PTPRO: variants seen among roughly 807,000 people sequenced by gnomAD.
The protein encoded by PTPRO is protein tyrosine phosphatase receptor type O, also known as receptor-type tyrosine-protein phosphatase O.
In PTPRO, 62 loss-of-function variants were observed where a neutral mutation model predicts 145.2. The ratio of observed to expected loss-of-function variants is 0.43; its 90% CI spans 0.35 to 0.53. The LOEUF is 0.53. Ranked by LOEUF, PTPRO falls within the 20% of genes least tolerant of loss-of-function variation. The pLI is 0.01. For synonymous variants in PTPRO, 565 were observed against 514.7 expected (o/e 1.10, Z -1.32); for missense variants, 1,345 against 1,482.7 (o/e 0.91, Z 1.53).
intron 1 of PTPRO, among the ~76,000 whole-genome samples, chr12:15,402,594 C>A (rs1408210207): frequency 6.6e-6 from 1 of 152,124 alleles, no homozygotes; most frequent in African/African-American, 2.4e-5. Context: ...CCTAAGAATT[C>A]TCTATGTAAA....
At chr12:15,458,400 T>C (rs905068896) in intron 1 of PTPRO, among the ~76,000 whole-genome samples, 2 of 152,138 alleles carry the variant, frequency 1.3e-5, no homozygotes, top group African/African-American at 4.8e-5. Context: ...TTGGGTAATT[T>C]CCAACCATTA....
chr12:15,406,238 A>G (rs182667288), intron 1 of PTPRO, among the ~76,000 whole-genome samples: 66 of 152,228 alleles, frequency 4.3e-4, no homozygotes, highest in African/African-American at 1.6e-3. Flanking sequence ...TCTGCTGGCC[A>G]CTTCTGTGTA....
chr12:15,485,905 A>C (rs980147270), intron 2 of PTPRO, among the ~76,000 whole-genome samples: 1 of 152,164 alleles, frequency 6.6e-6, no homozygotes, highest in African/African-American at 2.4e-5. Context: ...TGATTCCTTG[A>C]GGAAGTGTTG....
rs111613290 is a variant in PTPRO, at chr12:15,581,884, C to T, written c.3255+83C>T. 7.7e-3 allele frequency: 12,050 copies of T among 1,563,412 alleles called. 714 individuals are homozygous for T. In the African/African-American group the frequency reaches 0.14, roughly 18 times the overall value. ...TTTGGTCGGGGAGACCCTAACCCAGCGGCGCTAGAGGAATTACAGACACAC... is the reference window on the plus strand; with the variant it reads ...TTTGGTCGGGGAGACCCTAACCCAGTGGCGCTAGAGGAATTACAGACACAC... On this transcript the variant is annotated intron_variant, in intron 23 of 26. Transcript: ENST00000281171.
chr12:15,477,700 G>A (rs1287452129), intron 1 of PTPRO, among the ~76,000 whole-genome samples: 6 of 152,050 alleles, frequency 3.9e-5, no homozygotes, highest in Non-Finnish European at 8.8e-5. Context: ...GCACCCTTGG[G>A]CAAAGCAGCC....
chr12:15,564,129 A>G (rs1433483334), intron 17 of PTPRO, among the ~76,000 whole-genome samples: 3 of 152,194 alleles, frequency 2.0e-5, no homozygotes, highest in Non-Finnish European at 4.4e-5. Context: ...CTAAATCTCA[A>G]GTGTGGAAGA....
rs950151670 is a variant in PTPRO, at chr12:15,421,725, C to T, written c.76-62249C>T. Among the ~76,000 whole-genome samples the T allele has an allele frequency of 8.5e-5, 13 of 152,120 alleles. No homozygotes were observed. In the East Asian group the frequency reaches 2.5e-3, roughly 29 times the overall value. The stretch of plus-strand genomic sequence containing the variant: ...TCCAATAATTTATGATATCATTTAC[C>T]ATTATTAAAGGAACCTTATTTTTAA... On this transcript the variant is annotated intron_variant, in intron 1 of 26. Coordinates refer to ENST00000281171, the MANE Select transcript of PTPRO (RefSeq NM_030667.3).
intron 1 of PTPRO, among the ~76,000 whole-genome samples, chr12:15,391,850 A>T (rs1053011734): frequency 1.3e-5 from 2 of 152,206 alleles, no homozygotes; most frequent in African/African-American, 4.8e-5. Flanking sequence ...ACTGGGAATG[A>T]TAGTGAGATG....
intron 1 of PTPRO, among the ~76,000 whole-genome samples, chr12:15,349,205 T>C (rs928268181): frequency 6.6e-6 from 1 of 152,174 alleles, no homozygotes; most frequent in Non-Finnish European, 1.5e-5. Context: ...AGGGAAAATT[T>C]CAGAGAACAA....
intron 2 of PTPRO, among the ~76,000 whole-genome samples, chr12:15,485,298 A>C (rs1265626006): frequency 6.6e-6 from 1 of 152,168 alleles, no homozygotes; most frequent in Non-Finnish European, 1.5e-5. Flanking sequence ...AGACCTTCAA[A>C]GTTTATAGAC....
At chr12:15,592,611 C>T (rs1348326704) in intron 25 of PTPRO, among the ~76,000 whole-genome samples, 3 of 152,142 alleles carry the variant, frequency 2.0e-5, no homozygotes, top group Admixed American at 6.5e-5. Flanking sequence ...CAAGTAGAGG[C>T]GTATTTAGAA....
chr12:15,435,030 G>T (rs1037410967), intron 1 of PTPRO, among the ~76,000 whole-genome samples: 1 of 152,116 alleles, frequency 6.6e-6, no homozygotes. Flanking sequence ...TGGTTTATTG[G>T]TATAATTTTT....
chr12:15,405,877 C>G (rs968596732), intron 1 of PTPRO, among the ~76,000 whole-genome samples: 11 of 152,090 alleles, frequency 7.2e-5, no homozygotes, highest in African/African-American at 2.2e-4. Context: ...GGGAGAAAGA[C>G]ATGAGGTACA....
intron 1 of PTPRO, among the ~76,000 whole-genome samples, chr12:15,400,367 C>T (rs1257702167): frequency 6.6e-6 from 1 of 152,164 alleles, no homozygotes. Flanking sequence ...CCCCAGCAGC[C>T]TCACCTGCTG....
intron 9 of PTPRO, among the ~76,000 whole-genome samples, chr12:15,519,369 T>C (rs1328789650): frequency 6.6e-6 from 1 of 152,224 alleles, no homozygotes; most frequent in Non-Finnish European, 1.5e-5. Flanking sequence ...CCATATCACA[T>C]AGGTATGGCT....
chr12:15,470,868 C>T (rs983642097), intron 1 of PTPRO, among the ~76,000 whole-genome samples: 4 of 152,172 alleles, frequency 2.6e-5, no homozygotes, highest in Non-Finnish European at 5.9e-5. Context: ...AACCTGGCAG[C>T]CTACAGGCTG....
chr12:15,463,707 T>C (rs1463853261), intron 1 of PTPRO, among the ~76,000 whole-genome samples: 1 of 152,238 alleles, frequency 6.6e-6, no homozygotes, highest in East Asian at 1.9e-4. Context: ...CTCCATCTGA[T>C]TCCTCCTTCC....
chr12:15,481,000 A>T (rs1488441392), intron 1 of PTPRO, among the ~76,000 whole-genome samples: 1 of 152,226 alleles, frequency 6.6e-6, no homozygotes, highest in Non-Finnish European at 1.5e-5. Context: ...CATGGCCATA[A>T]CTGAAGCAGA....
intron 15 of PTPRO, among the ~76,000 whole-genome samples, chr12:15,554,465 G>A (rs1943563926): frequency 1.3e-5 from 2 of 151,788 alleles, no homozygotes; most frequent in Admixed American, 1.3e-4. Context: ...ATAGGTATAT[G>A]GGAGTTTATT....
Sources: gnomAD v4.1 joint callset for allele counts (sites outside exome capture counted in the v4.1 genomes callset) on GRCh38, gnomAD v4.1.1 for gene constraint, MANE v1.5 for transcripts, NCBI Gene and HGNC (gene_info 2026-07-23, HGNC 2026-07-21) for gene names.